The following RMDN1 variants were observed in gnomAD, a reference collection of about 807,000 sequenced individuals.
The protein encoded by RMDN1 is regulator of microtubule dynamics 1.
Under a neutral mutation model 48.9 loss-of-function variants are expected in RMDN1, and 48 were observed. The ratio of observed to expected loss-of-function variants is 0.98; its 90% CI spans 0.78 to 1.25. The LOEUF is 1.25. RMDN1 is among the 50% of genes most tolerant of loss of function. RMDN1 has a pLI of 0.00. For synonymous variants in RMDN1, 148 were observed against 132.6 expected (o/e 1.12, Z -0.80); for missense variants, 418 against 373.4 (o/e 1.12, Z -0.98).
At chr8:86,483,297 G>T (rs1044527939) in intron 5 of RMDN1, among the ~76,000 whole-genome samples, 1 of 152,058 alleles carries the variant, frequency 6.6e-6, no homozygotes, top group Admixed American at 6.5e-5. Context: ...TTAAAAAAAT[G>T]GAAAGTATAC....
chr8:86,509,874 C>T (rs901995190), upstream of RMDN1, among the ~76,000 whole-genome samples: 2 of 152,088 alleles, frequency 1.3e-5, no homozygotes, highest in African/African-American at 4.8e-5. Context: ...CTTCTGAAAC[C>T]TAGCTGTTTT....
chr8:86,508,731 A>C (rs998281528), upstream of RMDN1: 20 of 1,406,334 alleles, frequency 1.4e-5, no homozygotes, highest in Non-Finnish European at 1.8e-5. Context: ...CGCCTCCTGC[A>C]CAGCACCTCT....
At chr8:86,477,079 A>G (rs367672892) in intron 8 of RMDN1, among the ~76,000 whole-genome samples, 6 of 152,314 alleles carry the variant, frequency 3.9e-5, no homozygotes, top group African/African-American at 1.4e-4. Flanking sequence ...ATCAAATGAT[A>G]GACATTCCAG....
At position 86,473,337 on chromosome 8, in the gene RMDN1, G is replaced by A. The variant is rs1812842537; in HGVS notation, c.*971C>T. The A allele has an allele frequency of 2.0e-6, 2 of 985,428 alleles. No individual in the cohort carries two copies. Among genetic ancestry groups the A allele is most frequent in the Non-Finnish European group, 2.4e-6 (2 of 829,926 alleles). 61.0% of individuals were successfully genotyped at this position (985,428 alleles called of 1,614,324 possible). On this transcript the variant is annotated 3_prime_UTR_variant, in exon 10 of 10. Transcript: ENST00000406452. ...GTGGTGGCACTCCAGCCTCAAGTGA[G>A]TAGCATAGTCCTGCCTATTTAAAAA...
intron 5 of RMDN1, among the ~76,000 whole-genome samples, chr8:86,484,282 A>G (rs879559747): frequency 2.0e-5 from 3 of 151,874 alleles, no homozygotes; most frequent in Non-Finnish European, 4.4e-5. Flanking sequence ...AGTGAGGAGA[A>G]ACTCTCATAG....
chr8:86,469,243 C>A (rs1375528708), downstream of RMDN1, among the ~76,000 whole-genome samples: 1 of 151,662 alleles, frequency 6.6e-6, no homozygotes, highest in African/African-American at 2.4e-5. Context: ...AACCTTTTCC[C>A]CTGATGACTT....
intron 2 of RMDN1, among the ~76,000 whole-genome samples, chr8:86,502,361 T>G (rs952376640): frequency 1.3e-5 from 2 of 152,016 alleles, no homozygotes; most frequent in African/African-American, 4.8e-5. Flanking sequence ...CTCAGCCTCC[T>G]GTGTAGCTGG....
In RMDN1 at chr8:86,508,350, G is replaced by C. The variant is rs1819733273; in HGVS notation, c.129+142C>G. 1.8e-5 allele frequency: 16 copies of C among 882,926 alleles called. No homozygotes were observed. In the South Asian group the frequency reaches 2.9e-4, roughly 16 times the overall value. 54.7% of individuals were successfully genotyped at this position (882,926 alleles called of 1,614,324 possible). ...CAAAATGGAAGGGACCTGTCCGGGC[G>C]TTCCAGGCACAGTGGCCCCGAGTTC... is the stretch of plus-strand genomic sequence containing the variant. On this transcript the variant is annotated intron_variant, in intron 1 of 9. Transcript: ENST00000406452.
At position 86,503,366 on chromosome 8, in the gene RMDN1, C is replaced by CAAAAAAAAAAAAAAAAAAA. The variant is rs1354324383; in HGVS notation, c.247+3628_247+3629insTTTTTTTTTTTTTTTTTTT. 8.2e-4 allele frequency among the ~76,000 whole-genome samples: 58 copies of CAAAAAAAAAAAAAAAAAAA among 70,396 alleles called. 2 individuals carry two copies. The highest frequency in any genetic ancestry group is 1.7e-3 in the Non-Finnish European group (46 of 27,824). 46.2% of individuals were successfully genotyped at this position (70,396 alleles called of 152,430 possible). A position where few individuals can be genotyped will look rare whatever the true frequency, so the allele number is the denominator to read the frequency against. ...GACTCCGTCTCAAAACAAAACAAAA[C>CAAAAAAAAAAAAAAAAAAA]AAAACAAAAAAAAAAAAAAAAAACA... On this transcript the variant is annotated intron_variant, in intron 2 of 9. Transcript: ENST00000406452.
rs1255091403 is a variant in RMDN1 at position 86,488,549 on chromosome 8, T to G, written c.335+3A>C. The G allele has an allele frequency of 1.2e-6, 2 of 1,600,610 alleles. No individual in the cohort carries two copies. Among genetic ancestry groups the G allele is most frequent in the Non-Finnish European group, 8.5e-7 (1 of 1,171,586 alleles). On this transcript the variant is annotated splice_donor_region_variant and intron_variant, in intron 3 of 9. Transcript: ENST00000406452. The stretch of plus-strand genomic sequence containing the variant: ...AAGCCTAGGCCTATCCTACATTGCT[T>G]ACCTTTCCTTGTATTGGGTTAGCAA...
chr8:86,504,841 C>T (rs1483811957), intron 2 of RMDN1: 1 of 1,070,102 alleles, frequency 9.3e-7, no homozygotes, highest in African/African-American at 1.6e-5. Context: ...CTCTTCCCCT[C>T]TGCTGCTTAT....
upstream of RMDN1, among the ~76,000 whole-genome samples, chr8:86,509,305 A>G (rs184464099): frequency 3.7e-4 from 56 of 151,836 alleles, no homozygotes; most frequent in Admixed American, 3.4e-3. Flanking sequence ...ACAAAAACAA[A>G]CCCTGGTCTC....
chr8:86,495,087 C>T (rs1302195736), intron 2 of RMDN1: 2 of 287,990 alleles, frequency 6.9e-6, no homozygotes, highest in Non-Finnish European at 1.4e-5. Context: ...ATGACATTCT[C>T]CCACTGAGAG....
In RMDN1 at chr8:86,486,547, A is replaced by G. The variant is rs144513651; in HGVS notation, c.432T>C (p.Tyr144=). 1 of 1,612,352 alleles carries G rather than the reference A, an allele frequency of 6.2e-7. No homozygotes were observed. The highest frequency in any genetic ancestry group is 1.3e-5 in the African/African-American group (1 of 74,918). ...TSEEEKKLLV[Y]EALEYAKRAL... is the part of the protein sequence containing the mutation. ...CTCTTTTTGCATACTCTAGGGCTTC[A>G]TACACCAATAGCTTTTTCTCCTCTT... The change falls in exon 4 of 10, where the codon TAT becomes TAC. Residue 144 remains tyrosine (Y), a synonymous_variant. Coordinates refer to ENST00000406452, the MANE Select transcript of RMDN1 (RefSeq NM_016033.3).
In RMDN1 at chr8:86,506,982, A is replaced by G; in HGVS notation, c.247+13T>C. ...AAAACTCTAAATGTTCCATATATCT[A>G]ATTTATGCTTACCTTTGGCTGTGGC... is the stretch of plus-strand genomic sequence containing the variant. On this transcript the variant is annotated intron_variant, in intron 2 of 9. Coordinates refer to ENST00000406452, the MANE Select transcript of RMDN1 (RefSeq NM_016033.3). 2 of 1,428,496 alleles carry G rather than the reference A, an allele frequency of 1.4e-6. No individual in the cohort carries two copies. Among genetic ancestry groups the G allele is most frequent in the South Asian group, 1.2e-5 (1 of 85,560 alleles). 88.5% of individuals were successfully genotyped at this position (1,428,496 alleles called of 1,614,324 possible).
intron 2 of RMDN1, chr8:86,504,540 T>G (rs575137626): frequency 7.3e-7 from 1 of 1,378,018 alleles, no homozygotes; most frequent in African/African-American, 1.4e-5. Flanking sequence ...CTATCTTCAC[T>G]GTAGTTTCCC....
downstream of RMDN1, chr8:86,472,217 T>C (rs1038663824): frequency 6.8e-6 from 4 of 589,462 alleles, no homozygotes; most frequent in Middle Eastern, 4.5e-4. Flanking sequence ...TAAATACAGG[T>C]TGAACATCCC....
At chr8:86,476,037 T>C (rs1813319222) in intron 8 of RMDN1, among the ~76,000 whole-genome samples, 1 of 152,074 alleles carries the variant, frequency 6.6e-6, no homozygotes, top group African/African-American at 2.4e-5. Flanking sequence ...TAAAAGATAC[T>C]AAGGGCATCA....
At chr8:86,475,501 C>A (rs1813225953) in intron 8 of RMDN1, among the ~76,000 whole-genome samples, 1 of 150,640 alleles carries the variant, frequency 6.6e-6, no homozygotes. Context: ...ATGAACACAA[C>A]TAAATGTAAT....
Sources: gnomAD v4.1 joint callset for allele counts (sites outside exome capture counted in the v4.1 genomes callset) on GRCh38, gnomAD v4.1.1 for gene constraint, MANE v1.5 for transcripts, NCBI Gene and HGNC (gene_info 2026-07-23, HGNC 2026-07-21) for gene names.